DNAJC1: variants seen among roughly 807,000 people sequenced by gnomAD.
DNAJC1 encodes dnaJ homolog subfamily C member 1.
Under a neutral mutation model 76.6 loss-of-function variants are expected in DNAJC1, and 58 were observed. The observed-to-expected ratio is 0.76, with a 90% CI of 0.61 to 0.94. The LOEUF (loss-of-function observed/expected upper bound fraction) is 0.94. Among genes scored for constraint, DNAJC1 ranks in the 40% least tolerant of loss-of-function variants. The probability of loss-of-function intolerance (pLI) is 0.00; values close to 1 mark genes in which losing one functional copy is unlikely to be tolerated. For missense variants in DNAJC1, 689 were observed against 677.3 expected, an observed-to-expected ratio of 1.02 and a Z score of -0.19; for synonymous variants, 258 against 267.9, an observed-to-expected ratio of 0.96 and a Z score of 0.36.
Position 21,935,918 on chromosome 10 carries a change from T to C in DNAJC1, c.223-6777A>G, listed in dbSNP as rs566114105. Among the ~76,000 whole-genome samples the C allele has an allele frequency of 3.9e-5, 6 of 152,298 alleles. No individual in the cohort carries two copies. The South Asian group carries it at 1.0e-3, about 26-fold the overall frequency. The stretch of plus-strand genomic sequence containing the variant: ...ATCCCAGTTAAAAAATTAGAATTCA[T>C]TGCTAGTAGATATGCTTTATAAGAA... On this transcript the variant is annotated intron_variant, in intron 1 of 11. Coordinates refer to ENST00000376980, the MANE Select transcript of DNAJC1 (RefSeq NM_022365.4).
chr10:22,003,382 C>G lies in DNAJC1; in HGVS notation c.53G>C (p.Gly18Ala). The G allele has an allele frequency of 7.2e-7, 1 of 1,388,064 alleles. No individual in the cohort carries two copies. The highest frequency in any genetic ancestry group is 9.3e-7 in the Non-Finnish European group (1 of 1,073,578). 86.0% of individuals were successfully genotyped at this position (1,388,064 alleles called of 1,614,324 possible). A position where few individuals can be genotyped will look rare whatever the true frequency, so the allele number is the denominator to read the frequency against. Residue 18 changes from glycine (G) to alanine (A), a missense_variant, in exon 1 of 12, where the codon GGG (glycine) becomes GCG (alanine). Coordinates refer to ENST00000376980, the MANE Select transcript of DNAJC1 (RefSeq NM_022365.4). ...CGGCGGCGGCGGGAACGGCACCAGC[C>G]CGAGCTGGCGGCGTCCAGGAAGCTG... ...PAQLPGRRQL[G>A]LVPFPPPPPR...
chr10:21,917,182 T>C (rs1836971315), intron 6 of DNAJC1, among the ~76,000 whole-genome samples: 1 of 152,100 alleles, frequency 6.6e-6, no homozygotes, highest in African/African-American at 2.4e-5. Context: ...TCCTCATTTT[T>C]GTATATTTTC....
chr10:21,898,313 C>A (rs1456550675), intron 7 of DNAJC1, among the ~76,000 whole-genome samples: 1 of 152,084 alleles, frequency 6.6e-6, no homozygotes, highest in East Asian at 1.9e-4. Context: ...TAATCATGTA[C>A]CACATTATGA....
chr10:21,902,712 T>C (rs1285186387), intron 7 of DNAJC1, among the ~76,000 whole-genome samples: 4 of 152,232 alleles, frequency 2.6e-5, no homozygotes, highest in Middle Eastern at 3.2e-3. Flanking sequence ...AGCTTTTGTA[T>C]AGTGATAAAC....
At chr10:21,998,568 T>TC (rs1373235466) in intron 1 of DNAJC1, among the ~76,000 whole-genome samples, 1 of 151,706 alleles carries the variant, frequency 6.6e-6, no homozygotes, top group African/African-American at 2.4e-5. Context: ...TCTCTCATCT[T>TC]CCCCCCATCT....
chr10:21,893,215 G>A (rs560835478), intron 7 of DNAJC1, among the ~76,000 whole-genome samples: 1 of 151,014 alleles, frequency 6.6e-6, no homozygotes, highest in Non-Finnish European at 1.5e-5. Context: ...ATGTTTAATA[G>A]AAATATAACA....
chr10:21,856,269 T>C (rs970931071), intron 8 of DNAJC1, among the ~76,000 whole-genome samples: 4 of 152,162 alleles, frequency 2.6e-5, no homozygotes, highest in African/African-American at 4.8e-5. Flanking sequence ...AATATATGCA[T>C]CATTAAAAAT....
intron 9 of DNAJC1, among the ~76,000 whole-genome samples, chr10:21,798,893 A>T (rs1288149105): frequency 1.3e-5 from 2 of 152,154 alleles, no homozygotes; most frequent in Admixed American, 6.5e-5. Flanking sequence ...ATATGAACAC[A>T]CATTACTTTA....
In DNAJC1 at chr10:21,985,794, A is replaced by G. The variant is rs116594778; in HGVS notation, c.222+17419T>C. Among the ~76,000 whole-genome samples the G allele has an allele frequency of 8.9e-3, 1,360 of 152,304 alleles. 24 individuals carry two copies. The highest frequency in any genetic ancestry group is 0.031 in the African/African-American group (1,283 of 41,562). The stretch of plus-strand genomic sequence containing the variant: ...TGGCTAGGCATTTGGAATTGTTTCC[A>G]ATTTTTGGCTAACATTATGAATAAT... On this transcript the variant is annotated intron_variant, in intron 1 of 11. Coordinates refer to ENST00000376980, the MANE Select transcript of DNAJC1 (RefSeq NM_022365.4).
chr10:21,996,661 T>C (rs1232962277), intron 1 of DNAJC1, among the ~76,000 whole-genome samples: 1 of 152,022 alleles, frequency 6.6e-6, no homozygotes, highest in African/African-American at 2.4e-5. Flanking sequence ...ATAATTAGTG[T>C]AAAGAAAAAA....
chr10:21,850,893 A>G (rs919212520), intron 8 of DNAJC1, among the ~76,000 whole-genome samples: 3 of 152,186 alleles, frequency 2.0e-5, no homozygotes, highest in Non-Finnish European at 2.9e-5. Flanking sequence ...ATGGTTTTTG[A>G]CACAGGTGAC....
intron 8 of DNAJC1, chr10:21,865,270 G>C (rs953043797): frequency 7.2e-5 from 11 of 152,096 alleles, no homozygotes; most frequent in Non-Finnish European, 1.3e-4. Flanking sequence ...ACTTGCACTT[G>C]AATCTTCATA....
At chr10:21,881,030 C>T (rs189899401) in intron 8 of DNAJC1, among the ~76,000 whole-genome samples, 80 of 152,352 alleles carry the variant, frequency 5.3e-4, no homozygotes, top group Admixed American at 1.1e-3. Context: ...GCACTTGCTG[C>T]TGCACACTGT....
At position 21,793,309 on chromosome 10, in the gene DNAJC1, T is replaced by TG. The variant is rs984032027; in HGVS notation, c.1098+12670dup. Among the ~76,000 whole-genome samples, 7 of 152,182 alleles carry TG rather than the reference T, an allele frequency of 4.6e-5. No individual in the cohort carries two copies. In the East Asian group the frequency reaches 1.4e-3, roughly 29 times the overall value. ...CAACTGGGCGCTCCATCTCAGGGGT[T>TG]GGGGGGCCGGGAAAGAAAAGCATCT... On this transcript the variant is annotated intron_variant, in intron 9 of 11. Coordinates refer to ENST00000376980, the MANE Select transcript of DNAJC1 (RefSeq NM_022365.4).
chr10:21,969,098 C>T (rs1012909972), intron 1 of DNAJC1, among the ~76,000 whole-genome samples: 1 of 151,786 alleles, frequency 6.6e-6, no homozygotes, highest in Non-Finnish European at 1.5e-5. Flanking sequence ...GCAGCACATG[C>T]CTGTAATCCC....
chr10:21,812,595 C>G (rs1834986125), intron 8 of DNAJC1, among the ~76,000 whole-genome samples: 1 of 151,702 alleles, frequency 6.6e-6, no homozygotes, highest in Non-Finnish European at 1.5e-5. Flanking sequence ...AGAGACAGAG[C>G]CTTGCTCTGT....
At chr10:21,805,431 T>C (rs1166319741) in intron 9 of DNAJC1, among the ~76,000 whole-genome samples, 1 of 127,604 alleles carries the variant, frequency 7.8e-6, no homozygotes, top group East Asian at 2.5e-4. Context: ...TTTTAAATGT[T>C]ACGTATGGAC....
intron 1 of DNAJC1, among the ~76,000 whole-genome samples, chr10:21,980,717 G>A (rs2131837118): frequency 6.6e-6 from 1 of 152,174 alleles, no homozygotes; most frequent in East Asian, 1.9e-4. Flanking sequence ...CAGGTGAAAG[G>A]TATATGAGAA....
chr10:21,986,654 T>C (rs541724356), intron 1 of DNAJC1, among the ~76,000 whole-genome samples: 87 of 152,318 alleles, frequency 5.7e-4, no homozygotes, highest in African/African-American at 1.9e-3. Flanking sequence ...AATTTTTAGG[T>C]ACTAAACCAA....
Sources: allele counts gnomAD v4.1 joint callset (sites outside exome capture counted in the v4.1 genomes callset), GRCh38; gene constraint gnomAD v4.1.1; transcripts MANE v1.5; gene names NCBI Gene and HGNC (gene_info 2026-07-23, HGNC 2026-07-21).